The following SFXN4 variants were observed in gnomAD, a reference collection of about 807,000 sequenced individuals.
The protein encoded by SFXN4 is sideroflexin 4.
SFXN4 carries 48 observed loss-of-function variants against 54.6 expected under a neutral mutation model. That is an observed-to-expected ratio of 0.88 (90% confidence interval 0.70 to 1.12). The LOEUF (loss-of-function observed/expected upper bound fraction) is 1.12, where lower values mean the gene tolerates loss of function less well. SFXN4 is among the 50% of genes most tolerant of loss of function. SFXN4 has a pLI of 0.00. For synonymous variants in SFXN4, 130 were observed against 145.5 expected, an observed-to-expected ratio of 0.89 and a Z score of 0.77; for missense variants, 383 against 409.2, an observed-to-expected ratio of 0.94 and a Z score of 0.55.
intron 9 of SFXN4, among the ~76,000 whole-genome samples, chr10:119,157,135 G>T (rs1424965095): frequency 1.3e-5 from 2 of 151,968 alleles, no homozygotes; most frequent in African/African-American, 4.8e-5. Flanking sequence ...TTTTTAAAAA[G>T]ATAACAGTAC....
At position 119,162,339 on chromosome 10, in the gene SFXN4, C is replaced by A. The variant is rs1178544329; in HGVS notation, c.252+1G>T. 7 of 1,613,946 alleles carry A rather than the reference C, an allele frequency of 4.3e-6. No homozygotes were observed. The South Asian group carries it at 6.6e-5, about 15-fold the overall frequency. On this transcript the variant is annotated splice_donor_variant, in intron 3 of 13. Transcript: ENST00000355697. LOFTEE classifies it high-confidence loss of function. ...GCCAGACCTGAGCACGTGAAACATA[C>A]CCTTTGGTCCGCCGAGGCAGGGCTG...
intron 11 of SFXN4, 33 bp from the exon 12 acceptor site, chr10:119,147,893 G>A (rs761589599): frequency 6.8e-5 from 108 of 1,578,452 alleles, no homozygotes; most frequent in Non-Finnish European, 9.3e-5. Flanking sequence ...AGCTTAGGTT[G>A]GGCACGGTGG....
Position 119,157,943 on chromosome 10 carries a change from A to C in SFXN4, c.415-16T>G. 6.2e-7 allele frequency: 1 copy of C among 1,614,236 alleles called. No individual in the cohort carries two copies. Among genetic ancestry groups the C allele is most frequent in the African/African-American group, 1.3e-5 (1 of 75,076 alleles). On this transcript the variant is annotated splice_polypyrimidine_tract_variant and intron_variant, in intron 7 of 13. Coordinates refer to ENST00000355697, the MANE Select transcript of SFXN4 (RefSeq NM_213649.2). ...AGAGGAAAACCTGCCGAGAGGGGCAAATGGATCGCATTTTCGTTTCAAGCA... is the reference window on the plus strand; with the variant it reads ...AGAGGAAAACCTGCCGAGAGGGGCACATGGATCGCATTTTCGTTTCAAGCA...
At chr10:119,162,792 T>C (rs10886406) in intron 2 of SFXN4, among the ~76,000 whole-genome samples, 41,935 of 152,066 alleles carry the variant, frequency 0.28, 6,012 homozygotes, top group East Asian at 0.5. Context: ...TTTTCTTTCT[T>C]TCTTTTCTTA....
intron 13 of SFXN4, 143 bp downstream of exon 13, chr10:119,146,093 T>G (rs1846781983): frequency 9.7e-6 from 5 of 513,768 alleles, no homozygotes; most frequent in Non-Finnish European, 1.7e-5. Context: ...CCCAAAGTGC[T>G]GGGATTACAG....
intron 1 of SFXN4, among the ~76,000 whole-genome samples, chr10:119,164,644 G>A (rs542430033): frequency 6.6e-6 from 1 of 152,228 alleles, no homozygotes; most frequent in South Asian, 2.1e-4. Flanking sequence ...GCTCAATGGT[G>A]CAGCTGGGGT....
intron 5 of SFXN4, 87 bp downstream of exon 5, chr10:119,160,827 TG>T: frequency 7.3e-7 from 1 of 1,367,272 alleles, no homozygotes; most frequent in Non-Finnish European, 1.0e-6. Context: ...CTCGAACTCC[TG>T]ACCCCAGGTG....
intron 2 of SFXN4, among the ~76,000 whole-genome samples, chr10:119,163,811 G>A (rs1209919741): frequency 1.3e-5 from 2 of 151,930 alleles, no homozygotes; most frequent in African/African-American, 4.8e-5. Context: ...AAAGGGACAC[G>A]TGGGCAGGGC....
At position 119,165,565 on chromosome 10, in the gene SFXN4, T is replaced by C. The variant is rs141985977; in HGVS notation, c.83A>G (p.Asn28Ser). ...RDAVPAFIEP[N>S]VRFWITERQS... ...GCGCTCGGTGATCCAGAAGCGCACGTTGGGCTCAATGAAGGCGGGGACGGC... is the reference window on the plus strand; with the variant it reads ...GCGCTCGGTGATCCAGAAGCGCACGCTGGGCTCAATGAAGGCGGGGACGGC... Residue 28 changes from asparagine to serine, a missense_variant, in exon 1 of 14, where the codon AAC (asparagine) becomes AGC (serine). Coordinates refer to ENST00000355697, the MANE Select transcript of SFXN4 (RefSeq NM_213649.2). 17 of 1,589,962 alleles carry C rather than the reference T, an allele frequency of 1.1e-5. No homozygotes were observed. Among genetic ancestry groups the C allele is most frequent in the African/African-American group, 9.7e-5 (7 of 71,976 alleles).
At chr10:119,156,851 T>C (rs1479556690) in intron 9 of SFXN4, 95 bp from the exon 10 acceptor site, 8 of 867,144 alleles carry the variant, frequency 9.2e-6, no homozygotes, top group South Asian at 7.3e-5. Context: ...CTAGTTCCTA[T>C]TACAAGTCAG....
chr10:119,144,581 T>G (rs1846708393), intron 13 of SFXN4, among the ~76,000 whole-genome samples: 1 of 152,064 alleles, frequency 6.6e-6, no homozygotes, highest in African/African-American at 2.4e-5. Context: ...AAAATGTCCT[T>G]GCTACCTACT....
Position 119,141,132 on chromosome 10 carries a change from A to G in SFXN4, c.*110T>C, listed in dbSNP as rs1350822813. On this transcript the variant is annotated 3_prime_UTR_variant, in exon 14 of 14. Transcript: ENST00000355697. ...TGGAATCTGAAGTCGCCTTGTCAGC[A>G]CAGACACCTCTGGGGTCCCCAGAAG... 1.4e-6 allele frequency: 1 copy of G among 720,840 alleles called. No individual in the cohort carries two copies. The highest frequency in any genetic ancestry group is 1.8e-5 in the African/African-American group (1 of 54,984). The allele number at this position is 720,840 out of a possible 1,614,324, so 44.7% of individuals were successfully genotyped here. A position where few individuals can be genotyped will look rare whatever the true frequency, so the allele number is the denominator to read the frequency against.
At chr10:119,147,958 G>T (rs1846891056) in intron 11 of SFXN4, 98 bp from the exon 12 acceptor site, 1 of 894,268 alleles carries the variant, frequency 1.1e-6, no homozygotes, top group Non-Finnish European at 1.8e-6. Flanking sequence ...ATCGCTTGAG[G>T]TCAGTAGTTT....
At chr10:119,156,905 G>A (rs151275353) in intron 9 of SFXN4, 149 bp from the exon 10 acceptor site, 18 of 608,982 alleles carry the variant, frequency 3.0e-5, no homozygotes, top group Non-Finnish European at 4.1e-5. Context: ...TTCCTGCAAC[G>A]TGGAGGTCCT....
chr10:119,160,788 C>T (rs1036304880), intron 5 of SFXN4, 127 bp downstream of exon 5: 24 of 909,072 alleles, frequency 2.6e-5, no homozygotes, highest in East Asian at 1.2e-4. Flanking sequence ...TTAGTAGAGA[C>T]GGGGTTTCAC....
At chr10:119,165,305 G>A in intron 1 of SFXN4, 2 of 1,254,788 alleles carry the variant, frequency 1.6e-6, no homozygotes, top group Non-Finnish European at 2.0e-6. Flanking sequence ...AGGGCAATCT[G>A]GAGGGTGACG....
chr10:119,151,572 G>A (rs1267160366), intron 11 of SFXN4, among the ~76,000 whole-genome samples: 1 of 151,682 alleles, frequency 6.6e-6, no homozygotes, highest in Non-Finnish European at 1.5e-5. Context: ...CTGGAGTGCA[G>A]TGGCGCAATC....
chr10:119,162,322 T>C lies in SFXN4; in HGVS notation c.252+18A>G, dbSNP rs1016632122. 2 of 1,612,432 alleles carry C rather than the reference T, an allele frequency of 1.2e-6. No homozygotes were observed. Among genetic ancestry groups the C allele is most frequent in the Admixed American group, 1.7e-5 (1 of 59,976 alleles). On this transcript the variant is annotated intron_variant, in intron 3 of 13. Transcript: ENST00000355697. ...CCATCTGAGGGCAACCAGCCAGACC[T>C]GAGCACGTGAAACATACCCTTTGGT... is the stretch of plus-strand genomic sequence containing the variant.
chr10:119,164,528 T>A (rs77968397), intron 1 of SFXN4, among the ~76,000 whole-genome samples: 1 of 152,128 alleles, frequency 6.6e-6, no homozygotes, highest in African/African-American at 2.4e-5. Context: ...ATATCTCACA[T>A]ACGACCTCGA....
Sources: gnomAD v4.1 joint callset for allele counts (sites outside exome capture counted in the v4.1 genomes callset) on GRCh38, gnomAD v4.1.1 for gene constraint, MANE v1.5 for transcripts, NCBI Gene and HGNC (gene_info 2026-07-23, HGNC 2026-07-21) for gene names.